TRABD: variants seen among roughly 807,000 people sequenced by gnomAD.
TRABD encodes the protein TraB domain containing.
In TRABD, 23 loss-of-function variants were observed where a neutral mutation model predicts 39.6. The ratio of observed to expected loss-of-function variants is 0.58; its 90% confidence interval spans 0.42 to 0.82. The LOEUF (loss-of-function observed/expected upper bound fraction) is 0.82, where lower values mean the gene tolerates loss of function less well. Ranked by LOEUF, TRABD falls within the 40% of genes least tolerant of loss-of-function variation. The pLI is 0.00. For synonymous variants in TRABD, 243 were observed against 232.1 expected (o/e 1.05, Z -0.43); for missense variants, 487 against 544.9 (o/e 0.89, Z 1.06).
rs913910081 is a variant in TRABD, at chr22:50,199,488, G to C, written c.*969G>C. 1 of 211,800 alleles carries C rather than the reference G, an allele frequency of 4.7e-6. No homozygotes were observed. The highest frequency in any genetic ancestry group is 2.3e-5 in the African/African-American group (1 of 43,724). The allele number at this position is 211,800 out of a possible 1,614,324, so 13.1% of individuals were successfully genotyped here. On this transcript the variant is annotated 3_prime_UTR_variant, in exon 10 of 10. Coordinates refer to ENST00000380909, the MANE Select transcript of TRABD (RefSeq NM_001320485.2). The stretch of plus-strand genomic sequence containing the variant: ...GGCCATCTCTGGTTGTGTCTGTGCC[G>C]ACTCGGTGTTGAATCAAATCAGGTG...
At chr22:50,188,151 A>AGG (rs1301089412) in intron 1 of TRABD, among the ~76,000 whole-genome samples, 2 of 146,294 alleles carry the variant, frequency 1.4e-5, no homozygotes, top group Non-Finnish European at 1.5e-5. Context: ...GTGGTGGCGC[A>AGG]CGCCTGTAAT....
In TRABD at chr22:50,193,607, C is replaced by T; in HGVS notation, c.65C>T (p.Ala22Val). ...ANVEPVVPSE[A>V]SEPVPRVLSG... ...GTGGAACCTGTTGTGCCGTCAGAGG[C>T]TTCAGAGCCGGTGCCCAGGGTGCTT... Residue 22 changes from alanine (A) to valine (V), a missense_variant, in exon 3 of 10, where the codon GCT becomes GTT. Transcript: ENST00000380909. 2 of 1,613,862 alleles carry T rather than the reference C, an allele frequency of 1.2e-6. No individual in the cohort carries two copies. Among genetic ancestry groups the T allele is most frequent in the South Asian group, 2.2e-5 (2 of 91,088 alleles).
Position 50,193,086 on chromosome 22 carries a change from C to T in TRABD, c.26C>T (p.Pro9Leu), listed in dbSNP as rs1387157756. The T allele has an allele frequency of 1.0e-5, 16 of 1,545,430 alleles. No individual in the cohort carries two copies. The highest frequency in any genetic ancestry group is 1.7e-4 in the Middle Eastern group (1 of 5,898). Residue 9 changes from proline to leucine, a missense_variant, in exon 2 of 10, where the codon CCG becomes CTG. By Grantham distance (98) the Pro-to-Leu change is moderately conservative. Transcript: ENST00000380909. ...ATGGACGGGGAGGAGCAGCAGCCAC[C>T]GCACGAGGTGAGGTGGAGGCTGGGC... MDGEEQQP[P>L]HEANVEPVVP...
chr22:50,194,519 AC>A lies in TRABD; in HGVS notation c.279+16del. ...GGACGTTGTGAAGGTGAGCGCCGCCACCCGCCACATCCCGGACACGGGTTGG... is the reference window on the plus strand; with the variant it reads ...GGACGTTGTGAAGGTGAGCGCCGCCACCGCCACATCCCGGACACGGGTTGG... On this transcript the variant is annotated intron_variant, in intron 4 of 9. Transcript: ENST00000380909. The A allele has an allele frequency of 2.0e-6, 3 of 1,529,006 alleles. No individual in the cohort carries two copies. Among genetic ancestry groups the A allele is most frequent in the Non-Finnish European group, 2.6e-6 (3 of 1,138,750 alleles). 94.7% of individuals were successfully genotyped at this position (1,529,006 alleles called of 1,614,324 possible). A position where few individuals can be genotyped will look rare whatever the true frequency, so the allele number is the denominator to read the frequency against.
chr22:50,197,768 C>CCCCCCCCCCCCCCCCTG, intron 7 of TRABD, 55 bp from the exon 8 acceptor site: 4 of 1,320,226 alleles, frequency 3.0e-6, no homozygotes, highest in Non-Finnish European at 4.3e-6. Flanking sequence ...GTGCCAGCCC[C>CCCCCCCCCCCCCCCCTG]ACCCCCCCAG....
rs776936852 is a variant in TRABD, at chr22:50,197,607, C to G, written c.671+19C>G. ...CCATCAGGTAGGGCTGCCCCCGGGA[C>G]CCTGGCCGGCCTGCAGGGTGGTCTG... On this transcript the variant is annotated intron_variant, in intron 7 of 9. Coordinates refer to ENST00000380909, the MANE Select transcript of TRABD (RefSeq NM_001320485.2). 3.7e-6 allele frequency: 6 copies of G among 1,610,692 alleles called. No homozygotes were observed. The highest frequency in any genetic ancestry group is 4.2e-6 in the Non-Finnish European group (5 of 1,178,592).
In TRABD at chr22:50,198,797, C is replaced by T. The variant is rs1224651625; in HGVS notation, c.*278C>T. On this transcript the variant is annotated 3_prime_UTR_variant, in exon 10 of 10. Coordinates refer to ENST00000380909, the MANE Select transcript of TRABD (RefSeq NM_001320485.2). This position sits in a 1 kb window ranked among gnomAD's most constrained non-coding sequence, Gnocchi z 7.9. ...GACAAGACACCCAGCTCCGAGGGGG[C>T]AGGGGCTTATAGGAGGGGCCGAGGC... is the stretch of plus-strand genomic sequence containing the variant. 7.4e-6 allele frequency: 4 copies of T among 542,162 alleles called. No individual in the cohort carries two copies. Among genetic ancestry groups the T allele is most frequent in the African/African-American group, 1.9e-5 (1 of 51,622 alleles). 33.6% of individuals were successfully genotyped at this position (542,162 alleles called of 1,614,324 possible).
chr22:50,197,529 C>G lies in TRABD; in HGVS notation c.612C>G (p.Leu204=). The change falls in exon 7 of 10, where the codon CTC becomes CTG. Residue 204 remains leucine, a synonymous_variant. Transcript: ENST00000380909. The part of the protein sequence containing the change: ...PVTFKRAIAA[L]SFWQKVRLAW... ...CCTTCAAGAGGGCCATCGCAGCGCTCTCCTTCTGGCAGAAGGTCAGGCTGG... is the reference window on the plus strand; with the variant it reads ...CCTTCAAGAGGGCCATCGCAGCGCTGTCCTTCTGGCAGAAGGTCAGGCTGG... 1 of 1,613,732 alleles carries G rather than the reference C, an allele frequency of 6.2e-7. No homozygotes were observed. The highest frequency in any genetic ancestry group is 8.5e-7 in the Non-Finnish European group (1 of 1,180,026).
At chr22:50,192,855 C>T (rs78143127) in intron 1 of TRABD, among the ~76,000 whole-genome samples, 172 bp from the exon 2 acceptor site, 4,320 of 89,040 alleles carry the variant, frequency 0.049, 218 homozygotes, top group African/African-American at 0.18. Context: ...TGACCTGAAC[C>T]GACCCTGGAC....
In TRABD at chr22:50,198,542, G is replaced by A; in HGVS notation, c.*23G>A. ...TAGGAGACTGCTCCCCGCCCGCTCG[G>A]GCCCCTGAGGAGCCAGTGCCCCCGC... is the stretch of plus-strand genomic sequence containing the variant. On this transcript the variant is annotated 3_prime_UTR_variant, in exon 10 of 10. Coordinates refer to ENST00000380909, the MANE Select transcript of TRABD (RefSeq NM_001320485.2). The surrounding 1 kb of genome is among the most constrained non-coding windows in gnomAD (Gnocchi z 7.9). 3.3e-6 allele frequency: 5 copies of A among 1,495,960 alleles called. No homozygotes were observed. The highest frequency in any genetic ancestry group is 4.4e-6 in the Non-Finnish European group (5 of 1,127,502). The allele number at this position is 1,495,960 out of a possible 1,614,324, so 92.7% of individuals were successfully genotyped here.
chr22:50,193,217 T>C (rs2147109240), intron 2 of TRABD, 124 bp downstream of exon 2: 1 of 1,258,104 alleles, frequency 7.9e-7, no homozygotes. Flanking sequence ...TTCTCCAGGG[T>C]CAGGCAGGAG....
intron 1 of TRABD, among the ~76,000 whole-genome samples, chr22:50,187,824 C>CA (rs1029723522): frequency 6.6e-6 from 1 of 151,432 alleles, no homozygotes; most frequent in African/African-American, 2.4e-5. Flanking sequence ...CTAAAAAATA[C>CA]AAAAAATTAG....
chr22:50,197,730 G>A (rs1394513252), intron 7 of TRABD, 93 bp from the exon 8 acceptor site: 17 of 1,575,846 alleles, frequency 1.1e-5, no homozygotes, highest in Middle Eastern at 2.0e-4. Context: ...CCAAACAAAC[G>A]TGCTGTGGTC....
chr22:50,194,878 G>T (rs370897580), intron 4 of TRABD, 22 bp from the exon 5 acceptor site: 1 of 1,609,838 alleles, frequency 6.2e-7, no homozygotes, highest in Non-Finnish European at 8.5e-7. Context: ...TGTTCTCGAG[G>T]TGTGACCTGT....
chr22:50,194,586 G>A lies in TRABD; in HGVS notation c.279+80G>A. On this transcript the variant is annotated intron_variant, in intron 4 of 9. Transcript: ENST00000380909. ...CCTGCACTCAGGGACCTCCCGGCAG[G>A]GCCCGTGTGCCCGTGTGTGCGCACC... 3 of 1,538,480 alleles carry A rather than the reference G, an allele frequency of 1.9e-6. No homozygotes were observed. The South Asian group carries it at 3.6e-5, about 18-fold the overall frequency.
In TRABD at chr22:50,197,984, G is replaced by C; in HGVS notation, c.833G>C (p.Arg278Pro). ...GCCGCGCGGCGCCTCGAGCTGCCTC[G>C]GGCCTCTGACGGTGACGGCCGCCCG... ...RQAARRLELP[R>P]ASDAEPRKCV... Residue 278 changes from arginine to proline, a missense_variant, in exon 8 of 10, where the codon CGG (arginine) becomes CCG (proline). By Grantham distance (103) the Arg-to-Pro change is moderately radical (BLOSUM62 -2). Transcript: ENST00000380909. 1 of 1,612,058 alleles carries C rather than the reference G, an allele frequency of 6.2e-7. No homozygotes were observed. The highest frequency in any genetic ancestry group is 1.1e-5 in the South Asian group (1 of 91,048).
At chr22:50,195,558 G>T (rs1325409708) in intron 5 of TRABD, among the ~76,000 whole-genome samples, 5 of 152,066 alleles carry the variant, frequency 3.3e-5, no homozygotes, top group Admixed American at 1.3e-4. Flanking sequence ...CGCCTCCTGG[G>T]TTCTAGTGAT....
At position 50,197,533 on chromosome 22, in the gene TRABD, T is replaced by C. The variant is rs1462195210; in HGVS notation, c.616T>C (p.Phe206Leu). ...CAAGAGGGCCATCGCAGCGCTCTCC[T>C]TCTGGCAGAAGGTCAGGCTGGCTTG... ...TFKRAIAALS[F>L]WQKVRLAWGL... Residue 206 changes from phenylalanine (F) to leucine (L), a missense_variant, in exon 7 of 10, where the codon TTC becomes CTC. Transcript: ENST00000380909. 6.2e-7 allele frequency: 1 copy of C among 1,613,582 alleles called. No homozygotes were observed.
chr22:50,186,197 G>A (rs1035807291), intron 1 of TRABD, among the ~76,000 whole-genome samples: 2 of 146,246 alleles, frequency 1.4e-5, no homozygotes, highest in African/African-American at 2.5e-5. Context: ...CAGGTTTTGG[G>A]GCCGGGGGAG....
Sources: gnomAD v4.1 joint callset for allele counts (sites outside exome capture counted in the v4.1 genomes callset) on GRCh38, gnomAD v4.1.1 for gene constraint, Gnocchi (gnomAD v3.1) non-coding constraint, MANE v1.5 for transcripts, NCBI Gene and HGNC (gene_info 2026-07-23, HGNC 2026-07-21) for gene names.